The following NREP variants were observed in gnomAD, a reference collection of about 807,000 sequenced individuals.
NREP encodes neuronal regeneration-related protein.
In NREP, 5 loss-of-function variants were observed where a neutral mutation model predicts 8.6. That is an observed-to-expected ratio of 0.58 (90% confidence interval 0.30 to 1.22). The LOEUF (loss-of-function observed/expected upper bound fraction) is 1.22, where lower values mean the gene tolerates loss of function less well. Among genes scored for constraint, NREP ranks in the 50% most tolerant of loss-of-function variants. The pLI, the probability that NREP is intolerant of heterozygous loss-of-function variation, is 0.07. For synonymous variants in NREP, 27 were observed against 28.0 expected (o/e 0.96, Z 0.11); for missense variants, 86 against 82.5 (o/e 1.04, Z -0.17).
chr5:111,770,554 CTTTTTTTTTTTTTTTTTTTTT>C (rs34538408), intron 2 of NREP, among the ~76,000 whole-genome samples: 9 of 73,582 alleles, frequency 1.2e-4, no homozygotes, highest in Admixed American at 9.1e-4. Flanking sequence ...GAATTATTTC[CTTTTTTTTTTTTTTTTTTTTT>C]TTTTTTTTTG....
chr5:111,911,464 T>G (rs1373981625), intron 2 of NREP, among the ~76,000 whole-genome samples: 1 of 152,058 alleles, frequency 6.6e-6, no homozygotes, highest in Non-Finnish European at 1.5e-5. Flanking sequence ...TATCTCTACT[T>G]CCAATGCCAT....
intron 2 of NREP, among the ~76,000 whole-genome samples, chr5:111,820,838 G>T (rs998368657): frequency 1.3e-5 from 2 of 152,218 alleles, no homozygotes; most frequent in East Asian, 3.9e-4. Flanking sequence ...AGAAGATAAG[G>T]AAAGTCTCCA....
intron 2 of NREP, among the ~76,000 whole-genome samples, chr5:111,849,731 C>T (rs1753263707): frequency 6.6e-6 from 1 of 150,912 alleles, no homozygotes; most frequent in Non-Finnish European, 1.5e-5. Flanking sequence ...CATCTGGGCA[C>T]ATAGCTGCCC....
At chr5:111,870,745 A>T (rs58566927) in intron 2 of NREP, among the ~76,000 whole-genome samples, 4,330 of 152,202 alleles carry the variant, frequency 0.028, 216 homozygotes, top group African/African-American at 0.097. Flanking sequence ...ACACAGGAAA[A>T]ATGCCACATG....
intron 2 of NREP, chr5:111,738,243 A>C (rs563992678): frequency 1.1e-3 from 168 of 152,328 alleles, no homozygotes; most frequent in African/African-American, 4.0e-3. Flanking sequence ...TCTAAAGTGA[A>C]GAGCTTAAGA....
intron 2 of NREP, among the ~76,000 whole-genome samples, chr5:111,939,090 C>T (rs1396334742): frequency 6.6e-6 from 1 of 151,888 alleles, no homozygotes; most frequent in African/African-American, 2.4e-5. Context: ...TAGAAATTAC[C>T]GTCCCCCTTG....
chr5:111,781,619 G>T (rs559468358), intron 2 of NREP, among the ~76,000 whole-genome samples: 1 of 152,130 alleles, frequency 6.6e-6, no homozygotes, highest in African/African-American at 2.4e-5. Flanking sequence ...AGGATAATTT[G>T]TTATGCTACA....
intron 2 of NREP, among the ~76,000 whole-genome samples, chr5:111,866,996 G>C (rs1245003567): frequency 1.3e-5 from 2 of 151,836 alleles, no homozygotes; most frequent in Non-Finnish European, 2.9e-5. Flanking sequence ...GGCCTGTTGT[G>C]GGGTGGGGGG....
chr5:111,753,637 T>G (rs1750518444), intron 2 of NREP, among the ~76,000 whole-genome samples: 2 of 151,986 alleles, frequency 1.3e-5, no homozygotes, highest in Admixed American at 1.3e-4. Context: ...CTTTAGCGTT[T>G]TAAATTATGT....
chr5:111,945,826 G>C (rs929962384), intron 2 of NREP, among the ~76,000 whole-genome samples: 2 of 152,032 alleles, frequency 1.3e-5, no homozygotes, highest in African/African-American at 4.8e-5. Context: ...CAAAAAAAGA[G>C]GGAAGGTGAT....
chr5:111,948,149 A>T (rs1183044753), intron 2 of NREP, among the ~76,000 whole-genome samples: 1 of 152,114 alleles, frequency 6.6e-6, no homozygotes, highest in Non-Finnish European at 1.5e-5. Context: ...ATAAATCCAG[A>T]CATATTTAAT....
chr5:111,973,977 A>G (rs1756892210), intron 2 of NREP, among the ~76,000 whole-genome samples: 1 of 152,234 alleles, frequency 6.6e-6, no homozygotes, highest in Admixed American at 6.5e-5. Flanking sequence ...GTACACATAC[A>G]CACTCTATTT....
chr5:111,779,353 T>C (rs1165119413), intron 2 of NREP, among the ~76,000 whole-genome samples: 1 of 152,202 alleles, frequency 6.6e-6, no homozygotes, highest in Non-Finnish European at 1.5e-5. Context: ...CACACAGCTC[T>C]GCACCTGCTT....
chr5:111,971,833 A>G (rs903989275), intron 2 of NREP, among the ~76,000 whole-genome samples: 1 of 152,168 alleles, frequency 6.6e-6, no homozygotes, highest in Non-Finnish European at 1.5e-5. Flanking sequence ...GGGACTGGAC[A>G]ATGATTTTTT....
chr5:111,754,864 T>G (rs1307052626), intron 2 of NREP, among the ~76,000 whole-genome samples: 1 of 152,224 alleles, frequency 6.6e-6, no homozygotes, highest in African/African-American at 2.4e-5. Context: ...TCAGATTAAA[T>G]TTTGATTCAT....
At chr5:111,773,698 T>A (rs1336232023) in intron 2 of NREP, among the ~76,000 whole-genome samples, 7 of 152,206 alleles carry the variant, frequency 4.6e-5, no homozygotes, top group Non-Finnish European at 2.9e-5. Flanking sequence ...TGAGATCATC[T>A]AAAGTTTTCC....
At chr5:111,936,406 C>T (rs989268281) in intron 2 of NREP, among the ~76,000 whole-genome samples, 7 of 151,998 alleles carry the variant, frequency 4.6e-5, no homozygotes, top group Non-Finnish European at 5.9e-5. Context: ...TCACCATAAT[C>T]GTCAGTTTCC....
At chr5:111,929,500 C>G (rs1053655136) in intron 2 of NREP, among the ~76,000 whole-genome samples, 1 of 152,160 alleles carries the variant, frequency 6.6e-6, no homozygotes, top group Non-Finnish European at 1.5e-5. Context: ...ACCACATGTT[C>G]TAAAGCTTGT....
At chr5:111,975,417 C>A (rs760649493) in intron 1 of NREP, 9 of 1,421,738 alleles carry the variant, frequency 6.3e-6, no homozygotes, top group African/African-American at 1.4e-5. Context: ...TGAGCACTGA[C>A]CCCCCTGAGT....
Sources: allele counts gnomAD v4.1 joint callset (sites outside exome capture counted in the v4.1 genomes callset), GRCh38; gene constraint gnomAD v4.1.1; transcripts MANE v1.5; gene names NCBI Gene and HGNC (gene_info 2026-07-23, HGNC 2026-07-21).